The following TRERF1 variants were observed in gnomAD, a reference collection of about 807,000 sequenced individuals.
TRERF1 encodes the protein transcriptional-regulating factor 1.
A neutral mutation model predicts 122.9 loss-of-function variants in TRERF1; 27 were observed. That is an observed-to-expected ratio of 0.22 (90% CI 0.16 to 0.30). The LOEUF (loss-of-function observed/expected upper bound fraction) is 0.30. Ranked by LOEUF, TRERF1 falls within the 10% of genes least tolerant of loss-of-function variation. The pLI is 1.00. For missense variants in TRERF1, 1,248 were observed against 1,560.3 expected (o/e 0.80, Z 3.37); for synonymous variants, 636 against 641.7 (o/e 0.99, Z 0.13).
chr6:42,322,725 CA>C (rs1455923189), intron 3 of TRERF1, among the ~76,000 whole-genome samples: 1 of 152,166 alleles, frequency 6.6e-6, no homozygotes, highest in Non-Finnish European at 1.5e-5. Context: ...GAAGGCAGAA[CA>C]GTGTTACTGT....
intron 3 of TRERF1, among the ~76,000 whole-genome samples, chr6:42,301,859 G>C (rs1293587682): frequency 6.6e-6 from 1 of 152,318 alleles, no homozygotes; most frequent in Middle Eastern, 3.4e-3. Context: ...TTCAGAGAGG[G>C]AGGCTAGAAA....
intron 3 of TRERF1, among the ~76,000 whole-genome samples, chr6:42,319,585 G>A (rs957987422): frequency 2.6e-5 from 4 of 152,154 alleles, no homozygotes; most frequent in African/African-American, 4.8e-5. Flanking sequence ...ATTTTGGGGG[G>A]CTGAGGCAGG....
chr6:42,420,578 TAGAG>T (rs992844704), intron 2 of TRERF1, among the ~76,000 whole-genome samples: 31 of 152,262 alleles, frequency 2.0e-4, no homozygotes, highest in African/African-American at 6.0e-4. Context: ...TCATGCTTAT[TAGAG>T]AGAATCAGAA....
intron 3 of TRERF1, among the ~76,000 whole-genome samples, chr6:42,338,573 A>G (rs969800073): frequency 6.6e-6 from 1 of 152,218 alleles, no homozygotes; most frequent in East Asian, 1.9e-4. Context: ...CAGCAGTGTT[A>G]CTTCTGAGAA....
chr6:42,407,891 G>A (rs1238976992), intron 2 of TRERF1, among the ~76,000 whole-genome samples: 1 of 150,204 alleles, frequency 6.7e-6, no homozygotes, highest in Non-Finnish European at 1.5e-5. Flanking sequence ...TATTCTTGTC[G>A]CACTTAACTT....
At chr6:42,327,542 G>C (rs385631) in intron 3 of TRERF1, among the ~76,000 whole-genome samples, 37,845 of 151,994 alleles carry the variant, frequency 0.25, 7,688 homozygotes, top group African/African-American at 0.54. Flanking sequence ...AGATAACTCC[G>C]AGTGCCGAGC....
chr6:42,259,796 G>C lies in TRERF1; in HGVS notation c.1885-73C>G, dbSNP rs1489997201. 1.9e-6 allele frequency: 3 copies of C among 1,585,836 alleles called. No individual in the cohort carries two copies. The African/African-American group carries it at 4.0e-5, about 21-fold the overall frequency. ...AGGCCATTTCCACAGGTTCAGGGAA[G>C]GGGGCCTTCTACTGTCTAAGCAGAG... On this transcript the variant is annotated intron_variant, in intron 8 of 17. Transcript: ENST00000372922. The surrounding 1 kb of genome is among the most constrained non-coding windows in gnomAD (Gnocchi z 4.9).
chr6:42,257,220 G>T, intron 10 of TRERF1, 118 bp from the exon 11 acceptor site: 1 of 1,269,766 alleles, frequency 7.9e-7, no homozygotes. Flanking sequence ...GAATGCAGGG[G>T]CATTTCCTCA....
At position 42,269,434 on chromosome 6, in the gene TRERF1, T is replaced by C. The variant is rs145022998; in HGVS notation, c.157A>G (p.Ile53Val). The change falls in exon 5 of 18, where the codon ATC (isoleucine) becomes GTC (valine). Residue 53 changes from isoleucine to valine, a missense_variant. By Grantham distance (29) the Ile-to-Val change is conservative. Around this residue, in one of 5 missense-constraint regions of TRERF1, gnomAD observed 946 missense variants for 1,073.0 expected, o/e 0.88. Coordinates refer to ENST00000372922, the Ensembl canonical transcript of TRERF1. The surrounding 1 kb of genome is among the most constrained non-coding windows in gnomAD (Gnocchi z 4.9). ...GTATCTTGAGGGAAGTGGGGGGAGA[T>C]TGGCGAGGCCTGAGGGGCATCCATT... 77 of 1,614,158 alleles carry C rather than the reference T, an allele frequency of 4.8e-5. No homozygotes were observed. The highest frequency in any genetic ancestry group is 4.5e-4 in the East Asian group (20 of 44,876).
At chr6:42,244,867 T>C (rs1774465847) in intron 14 of TRERF1, among the ~76,000 whole-genome samples, 1 of 152,168 alleles carries the variant, frequency 6.6e-6, no homozygotes, top group African/African-American at 2.4e-5. Context: ...AAACATTCCT[T>C]TGTTTAGTTC....
chr6:42,362,020 C>T (rs1379988536), intron 3 of TRERF1, among the ~76,000 whole-genome samples: 1 of 152,216 alleles, frequency 6.6e-6, no homozygotes, highest in Admixed American at 6.5e-5. Context: ...TCCCGACAGC[C>T]AGTCCCTCCC....
At chr6:42,310,290 A>G (rs890736683) in intron 3 of TRERF1, among the ~76,000 whole-genome samples, 1 of 152,132 alleles carries the variant, frequency 6.6e-6, no homozygotes, top group African/African-American at 2.4e-5. Context: ...AAGATGCTCA[A>G]TAGCCACATG....
chr6:42,239,925 A>C (rs1270098997), intron 15 of TRERF1, among the ~76,000 whole-genome samples: 1 of 152,050 alleles, frequency 6.6e-6, no homozygotes, highest in Non-Finnish European at 1.5e-5. Flanking sequence ...TAAGCTCACA[A>C]GTAATGAGGG....
intron 3 of TRERF1, among the ~76,000 whole-genome samples, chr6:42,339,860 A>G (rs146669377): frequency 1.0e-3 from 158 of 152,352 alleles, no homozygotes; most frequent in African/African-American, 3.4e-3. Flanking sequence ...CCAGAATTTA[A>G]TCAGATACGT....
intron 3 of TRERF1, among the ~76,000 whole-genome samples, chr6:42,307,089 C>T (rs2150315240): frequency 6.6e-6 from 1 of 152,272 alleles, no homozygotes; most frequent in Non-Finnish European, 1.5e-5. Context: ...AGGACCTTGG[C>T]TTATGTCCTA....
chr6:42,312,778 G>T (rs1452439116), intron 3 of TRERF1, among the ~76,000 whole-genome samples: 1 of 152,168 alleles, frequency 6.6e-6, no homozygotes, highest in Non-Finnish European at 1.5e-5. Flanking sequence ...TCTTAGTGCC[G>T]GGTGTGGTGT....
At chr6:42,389,072 T>C (rs1777275681) in intron 2 of TRERF1, among the ~76,000 whole-genome samples, 1 of 151,812 alleles carries the variant, frequency 6.6e-6, no homozygotes, top group Non-Finnish European at 1.5e-5. Flanking sequence ...CAAAATACCA[T>C]GGACATAAGA....
At chr6:42,245,448 C>G (rs1369510852) in intron 14 of TRERF1, among the ~76,000 whole-genome samples, 2 of 152,248 alleles carry the variant, frequency 1.3e-5, no homozygotes, top group Non-Finnish European at 2.9e-5. Context: ...AGCCAGGGGC[C>G]AGTGGGTGCT....
At chr6:42,408,306 C>CATACACATGTGTGTATGTATAT (rs1209552890) in intron 2 of TRERF1, among the ~76,000 whole-genome samples, 3 of 85,620 alleles carry the variant, frequency 3.5e-5, no homozygotes, top group African/African-American at 1.9e-4. Context: ...TGTATATATA[C>CATACACATGTGTGTATGTATAT]ATACTCATGT....
Sources: gnomAD v4.1 joint callset for allele counts (sites outside exome capture counted in the v4.1 genomes callset) on GRCh38, gnomAD v4.1.1 for gene constraint, gnomAD v4.1.1 regional missense constraint, Gnocchi (gnomAD v3.1) non-coding constraint, MANE v1.5 for transcripts, NCBI Gene and HGNC (gene_info 2026-07-23, HGNC 2026-07-21) for gene names.